The following C3orf22 variants were observed in gnomAD, a reference collection of about 807,000 sequenced individuals.
C3orf22 encodes the protein chromosome 3 open reading frame 22, also known as uncharacterized protein C3orf22.
C3orf22 carries 7 observed loss-of-function variants against 10.8 expected under a neutral mutation model. The observed-to-expected ratio is 0.65, with a 90% CI of 0.37 to 1.22. The LOEUF (loss-of-function observed/expected upper bound fraction) is 1.22, where lower values mean the gene tolerates loss of function less well. Among genes scored for constraint, C3orf22 ranks in the 50% most tolerant of loss-of-function variants. C3orf22 has a pLI of 0.02. For synonymous variants in C3orf22, 79 were observed against 78.9 expected, an observed-to-expected ratio of 1.00 and a Z score of 0.00; for missense variants, 173 against 177.0, an observed-to-expected ratio of 0.98 and a Z score of 0.13.
exon 6 of C3orf22, chr3:126,527,116 C>T (rs902861609): frequency 6.6e-6 from 1 of 152,362 alleles, no homozygotes; most frequent in Non-Finnish European, 1.5e-5. Flanking sequence ...ACTCCCGCGG[C>T]TGCAGGGCTG....
chr3:126,533,582 C>T (rs76532098), intron 4 of C3orf22, among the ~76,000 whole-genome samples: 2,138 of 152,268 alleles, frequency 0.014, 29 homozygotes, highest in Non-Finnish European at 0.019. Context: ...CCTACTTGGT[C>T]ATGGTGTATA....
At chr3:126,536,377 A>G (rs768876114) in intron 4 of C3orf22, 25 of 1,584,612 alleles carry the variant, frequency 1.6e-5, no homozygotes, top group Non-Finnish European at 2.0e-5. Context: ...CCCTCGACCC[A>G]GGCATGCCCC....
At chr3:126,535,222 TAGACAGACAG>T (rs1936754039) in intron 4 of C3orf22, among the ~76,000 whole-genome samples, 1 of 40,708 alleles carries the variant, frequency 2.5e-5, no homozygotes, top group Non-Finnish European at 5.1e-5. Context: ...CCCCAGCCGG[TAGACAGACAG>T]CATCCCTGTC....
intron 4 of C3orf22, chr3:126,536,248 C>T: frequency 1.2e-6 from 2 of 1,608,858 alleles, no homozygotes; most frequent in Non-Finnish European, 1.7e-6. Flanking sequence ...ATGGTGGCGA[C>T]ATCTCTCTCC....
At chr3:126,543,602 C>T (rs1240268180) in intron 4 of C3orf22, among the ~76,000 whole-genome samples, 2 of 152,166 alleles carry the variant, frequency 1.3e-5, no homozygotes, top group Admixed American at 6.5e-5. Context: ...TCAGCCAAGC[C>T]CTGGGCCTTG....
rs1309869821 is a variant in C3orf22 at position 126,558,635 on chromosome 3, T to C, written c.-49A>G. On this transcript the variant is annotated 5_prime_UTR_variant, in exon 1 of 4. Coordinates refer to ENST00000318225, the MANE Select transcript of C3orf22 (RefSeq NM_152533.3). Reference sequence around the variant, plus strand: ...AGGCTGCTAGCACTCACCAGGCAGCTACCTTGAATTCTGGCAGTGACGATG... The same window carrying C: ...AGGCTGCTAGCACTCACCAGGCAGCCACCTTGAATTCTGGCAGTGACGATG... 6.6e-6 allele frequency: 1 copy of C among 152,310 alleles called. No homozygotes were observed. Among genetic ancestry groups the C allele is most frequent in the African/African-American group, 2.4e-5 (1 of 41,468 alleles). 9.4% of individuals were successfully genotyped at this position (152,310 alleles called of 1,614,324 possible).
intron 4 of C3orf22, among the ~76,000 whole-genome samples, chr3:126,544,629 G>C (rs1937036475): frequency 6.6e-6 from 1 of 152,164 alleles, no homozygotes; most frequent in Admixed American, 6.5e-5. Flanking sequence ...AGCTCACTCA[G>C]CTCCCACACA....
intron 3 of C3orf22, among the ~76,000 whole-genome samples, chr3:126,550,328 G>A (rs1042321997): frequency 1.3e-5 from 2 of 152,158 alleles, no homozygotes; most frequent in African/African-American, 2.4e-5. Flanking sequence ...CCAGAATCTA[G>A]GAGCCTCCCC....
chr3:126,558,254 C>T (rs1937400188), intron 1 of C3orf22, among the ~76,000 whole-genome samples: 2 of 152,216 alleles, frequency 1.3e-5, no homozygotes, highest in South Asian at 4.1e-4. Flanking sequence ...AACTGATTTG[C>T]CTGCATTCAC....
intron 1 of C3orf22, among the ~76,000 whole-genome samples, chr3:126,557,778 G>A (rs10934780): frequency 0.55 from 83,115 of 152,164 alleles, 24,539 homozygotes; most frequent in South Asian, 0.74. Context: ...TCCCTTGCCC[G>A]CACCAAGAAG....
intron 3 of C3orf22, 117 bp from the exon 4 acceptor site, chr3:126,550,195 C>G: frequency 8.5e-7 from 1 of 1,171,926 alleles, no homozygotes; most frequent in Non-Finnish European, 1.2e-6. Context: ...GAGATCTACT[C>G]CCAACCAGGC....
chr3:126,528,506 C>T (rs1415451016), intron 5 of C3orf22, among the ~76,000 whole-genome samples: 3 of 152,084 alleles, frequency 2.0e-5, no homozygotes, highest in Admixed American at 1.3e-4. Flanking sequence ...GAGTGAGAAG[C>T]CCTGTGGGTT....
Position 126,542,435 on chromosome 3 carries a change from C to A in C3orf22, c.286+7102G>T, listed in dbSNP as rs906756509. 4 of 1,558,350 alleles carry A rather than the reference C, an allele frequency of 2.6e-6. No individual in the cohort carries two copies. In the African/African-American group the frequency reaches 4.2e-5, roughly 16 times the overall value. ...GAGCTTCCCTGGGCCGCCGCGGCCC[C>A]GGGGAGCCGCCGCCTCCCGCGACCT... On this transcript the variant is annotated intron_variant and NMD_transcript_variant, in intron 4 of 5. Transcript: ENST00000505070.
In C3orf22 at chr3:126,549,872, G is replaced by A. The variant is rs1262284178; in HGVS notation, c.422C>T (p.Ser141Phe). 2 of 1,612,138 alleles carry A rather than the reference G, an allele frequency of 1.2e-6. No individual in the cohort carries two copies. The highest frequency in any genetic ancestry group is 3.3e-5 in the Admixed American group (2 of 59,926). The change falls in exon 4 of 4, where the codon TCC becomes TTC. Residue 141 changes from serine to phenylalanine, a missense_variant. Coordinates refer to ENST00000318225, the MANE Select transcript of C3orf22 (RefSeq NM_152533.3). ...SKAAGLSRGL[S>F] The stretch of plus-strand genomic sequence containing the variant: ...GCCACACACAGAGCCCAGTCTCTAG[G>A]AGAGGCCCCTGGACAGCCCTGCCGC...
chr3:126,554,556 G>A (rs144974856), intron 1 of C3orf22, among the ~76,000 whole-genome samples: 42 of 152,298 alleles, frequency 2.8e-4, no homozygotes, highest in Non-Finnish European at 5.1e-4. Context: ...GAGCCACCGC[G>A]CCTGGCCCGG....
At chr3:126,557,310 A>G (rs1937371982) in intron 1 of C3orf22, among the ~76,000 whole-genome samples, 1 of 152,138 alleles carries the variant, frequency 6.6e-6, no homozygotes, top group Admixed American at 6.5e-5. Context: ...TCCCTTCCCA[A>G]TTCAAAGCAG....
rs555100789 is a variant in C3orf22 at position 126,556,485 on chromosome 3, G to C, written c.-41+2142C>G. Among the ~76,000 whole-genome samples, 166 of 152,038 alleles carry C rather than the reference G, an allele frequency of 1.1e-3. No individual in the cohort carries two copies. The Middle Eastern group carries it at 0.041, about 37-fold the overall frequency. On this transcript the variant is annotated intron_variant, in intron 1 of 3. Transcript: ENST00000318225. ...AGCGCCTCCTGGGTGCAGCTCCCAA[G>C]TGCAGCTCTGCACTTGCACCTGTCC...
Position 126,551,126 on chromosome 3 carries a change from TGTGTGC to T in C3orf22, c.215+865_215+870del, listed in dbSNP as rs1937172464. Among the ~76,000 whole-genome samples the T allele has an allele frequency of 2.6e-5, 4 of 152,238 alleles. No individual in the cohort carries two copies. The South Asian group carries it at 8.3e-4, about 31-fold the overall frequency. On this transcript the variant is annotated intron_variant, in intron 3 of 3. Transcript: ENST00000318225. ...TAAGTCTGTTCTTTGTGTGTGTGTG[TGTGTGC>T]GTGGCACTACTATCTCTCCAGGTGT...
chr3:126,542,303 C>G, intron 4 of C3orf22: 1 of 1,567,814 alleles, frequency 6.4e-7, no homozygotes, highest in Non-Finnish European at 8.6e-7. Context: ...GGAGCGCGCG[C>G]ACGCGCTCTG....
Sources: allele counts gnomAD v4.1 joint callset (sites outside exome capture counted in the v4.1 genomes callset), GRCh38; gene constraint gnomAD v4.1.1; transcripts MANE v1.5; gene names NCBI Gene and HGNC (gene_info 2026-07-23, HGNC 2026-07-21).